The following ZNF724 variants were observed in gnomAD, a reference collection of about 807,000 sequenced individuals.
The protein encoded by ZNF724 is zinc finger protein 724 pseudogene.
Under a neutral mutation model 29.3 loss-of-function variants are expected in ZNF724, and 14 were observed. That is an observed-to-expected ratio of 0.48 (90% confidence interval 0.32 to 0.75). The LOEUF is 0.75. Among genes scored for constraint, ZNF724 ranks in the 30% least tolerant of loss-of-function variants. ZNF724 has a pLI of 0.04. For missense variants in ZNF724, 557 were observed against 571.2 expected (o/e 0.98, Z 0.25); for synonymous variants, 180 against 193.6 (o/e 0.93, Z 0.58).
chr19:23,232,606 TTGAGA>T (rs2145780328), intron 1 of ZNF724, among the ~76,000 whole-genome samples: 1 of 152,172 alleles, frequency 6.6e-6, no homozygotes, highest in African/African-American at 2.4e-5. Context: ...ATGAGTTCTG[TTGAGA>T]TGAAAGACAT....
At chr19:23,229,226 A>G (rs964349456) in intron 3 of ZNF724, among the ~76,000 whole-genome samples, 1 of 152,034 alleles carries the variant, frequency 6.6e-6, no homozygotes, top group Non-Finnish European at 1.5e-5. Flanking sequence ...CAGACTGAAA[A>G]ATAGCCTACC....
rs183425731 is a variant in ZNF724, at chr19:23,222,731, G to T, written c.1514C>A (p.Pro505His). ...THKKIHTGEK[P>H]YKCKECGKAF... ...TTTGCCACATTCTTTACATTTGTAG[G>T]GTTTCTCTCCAGTATGAATTTTCTT... is the stretch of plus-strand genomic sequence containing the variant. The change falls in exon 4 of 4, where the codon CCC becomes CAC. Residue 505 changes from proline (P) to histidine (H), a missense_variant. By Grantham distance (77) the Pro-to-His change is moderately conservative (BLOSUM62 -2). Around this residue, in one of 3 missense-constraint regions of ZNF724, gnomAD observed 170 missense variants for 220.7 expected, o/e 0.77. Transcript: ENST00000418100. The T allele has an allele frequency of 6.3e-6, 9 of 1,420,076 alleles. No individual in the cohort carries two copies. Among genetic ancestry groups the T allele is most frequent in the Non-Finnish European group, 7.0e-6 (7 of 1,005,336 alleles). 88.0% of individuals were successfully genotyped at this position (1,420,076 alleles called of 1,614,324 possible). A position where few individuals can be genotyped will look rare whatever the true frequency, so the allele number is the denominator to read the frequency against.
intron 3 of ZNF724, among the ~76,000 whole-genome samples, chr19:23,227,565 A>AC (rs1031200001): frequency 9.1e-6 from 1 of 110,008 alleles, no homozygotes; most frequent in African/African-American, 2.7e-5. Flanking sequence ...CAAAAAAAAA[A>AC]AAAAACAAAA....
At chr19:23,236,416 G>A (rs1253116896) in intron 1 of ZNF724, 1 of 152,306 alleles carries the variant, frequency 6.6e-6, no homozygotes, top group Non-Finnish European at 1.5e-5. Flanking sequence ...AAAAAATACT[G>A]CTGGATTTTC....
rs565712110 is a variant in ZNF724 at position 23,222,355 on chromosome 19, G to A, written c.*30C>T. ...GCCTCCCAAAGTGCTGGGATTACAG[G>A]TGTGAGCCACCACGCCTGGTCCATT... On this transcript the variant is annotated 3_prime_UTR_variant, in exon 4 of 4. Coordinates refer to ENST00000418100, the MANE Select transcript of ZNF724 (RefSeq NM_001355404.2). The A allele has an allele frequency of 2.3e-6, 2 of 880,998 alleles. No individual in the cohort carries two copies. Among genetic ancestry groups the A allele is most frequent in the East Asian group, 2.6e-5 (1 of 38,700 alleles). 54.6% of individuals were successfully genotyped at this position (880,998 alleles called of 1,614,324 possible).
intron 1 of ZNF724, among the ~76,000 whole-genome samples, chr19:23,244,227 T>C (rs1490262802): frequency 1.3e-5 from 2 of 152,074 alleles, no homozygotes; most frequent in African/African-American, 4.8e-5. Flanking sequence ...GGAGAACAGG[T>C]TGCTGCTGCA....
At position 23,232,099 on chromosome 19, in the gene ZNF724, AC is replaced by A. The variant is rs1291198665; in HGVS notation, c.130+67del. 9 of 1,173,670 alleles carry A rather than the reference AC, an allele frequency of 7.7e-6. No individual in the cohort carries two copies. The African/African-American group carries it at 1.1e-4, about 14-fold the overall frequency. 72.7% of individuals were successfully genotyped at this position (1,173,670 alleles called of 1,614,324 possible). A position where few individuals can be genotyped will look rare whatever the true frequency, so the allele number is the denominator to read the frequency against. ...TTATGCAAAGATCAATTACCAAAAA[AC>A]ATCCTACAAAAAAACAAACGAAATA... On this transcript the variant is annotated intron_variant, in intron 2 of 3. Transcript: ENST00000418100.
intron 3 of ZNF724, among the ~76,000 whole-genome samples, chr19:23,227,630 GAATAT>G (rs1971861748): frequency 6.7e-6 from 1 of 148,230 alleles, no homozygotes; most frequent in Non-Finnish European, 1.5e-5. Context: ...TATTTTTGCA[GAATAT>G]AATTAAAGCC....
intron 1 of ZNF724, among the ~76,000 whole-genome samples, chr19:23,243,871 C>T (rs1267622591): frequency 6.7e-6 from 1 of 148,574 alleles, no homozygotes; most frequent in Non-Finnish European, 1.5e-5. Flanking sequence ...TGCAGTGAGC[C>T]GAGATCATAC....
rs149329035 is a variant in ZNF724, at chr19:23,243,560, A to T, written c.3+6680T>A. On this transcript the variant is annotated intron_variant, in intron 1 of 3. Transcript: ENST00000418100. ...ACTATCTCATTTATAAGTAAGAGCT[A>T]AATAATAAGAACCCATGGATGCAAA... Among the ~76,000 whole-genome samples the T allele has an allele frequency of 8.2e-4, 124 of 151,696 alleles. No homozygotes were observed. In the East Asian group the frequency reaches 0.023, roughly 28 times the overall value.
In ZNF724 at chr19:23,224,907, A is replaced by G. The variant is rs1025495062; in HGVS notation, c.227-889T>C. Among the ~76,000 whole-genome samples the G allele has an allele frequency of 6.6e-5, 10 of 151,802 alleles. 1 individual carries two copies. On this transcript the variant is annotated intron_variant, in intron 3 of 3. Transcript: ENST00000418100. ...GAGGCAGATGTTGCAGTGAGCCGAG[A>G]TCACACCACTGCACTCCAGCCTGGG...
intron 1 of ZNF724, among the ~76,000 whole-genome samples, chr19:23,246,461 C>G (rs974969625): frequency 6.6e-6 from 1 of 151,928 alleles, no homozygotes; most frequent in Non-Finnish European, 1.5e-5. Context: ...TCAAGAACAG[C>G]CTGGCCAACC....
chr19:23,222,396 AT>A lies in ZNF724; in HGVS notation c.1848del (p.Lys616AsnfsTer34). ...TTHKKIHAVE[K>X]SDK ...CTGGTCCATTTTTCTTATTTGTCAG[AT>A]TTTTCTACAGCATGAATTTTCTTGT... On this transcript the variant is annotated frameshift_variant, in exon 4 of 4. Transcript: ENST00000418100. LOFTEE classifies it high-confidence loss of function. 1.7e-6 allele frequency: 2 copies of A among 1,157,012 alleles called. No homozygotes were observed. The highest frequency in any genetic ancestry group is 1.3e-6 in the Non-Finnish European group (1 of 777,912). 71.7% of individuals were successfully genotyped at this position (1,157,012 alleles called of 1,614,324 possible). A position where few individuals can be genotyped will look rare whatever the true frequency, so the allele number is the denominator to read the frequency against.
rs1390416201 is a variant in ZNF724, at chr19:23,222,579, G to T, written c.1666C>A (p.His556Asn). ...YSNLTQHKII[H>N]TGEKPYKCEE... ...CATTTGTAGGGTTTCTCTCCAGTAT[G>T]AATTATCTTATGTTGAGTAAGGTTT... The change falls in exon 4 of 4, where the codon CAT becomes AAT. Residue 556 changes from histidine to asparagine, a missense_variant. His to Asn is a moderately conservative substitution (Grantham distance 68). This residue lies in a region of ZNF724 where 170 missense variants were observed against 220.7 expected (regional missense o/e 0.77). Coordinates refer to ENST00000418100, the MANE Select transcript of ZNF724 (RefSeq NM_001355404.2). The T allele has an allele frequency of 7.2e-7, 1 of 1,385,576 alleles. No homozygotes were observed. Among genetic ancestry groups the T allele is most frequent in the South Asian group, 1.2e-5 (1 of 86,132 alleles). 85.8% of individuals were successfully genotyped at this position (1,385,576 alleles called of 1,614,324 possible). A position where few individuals can be genotyped will look rare whatever the true frequency, so the allele number is the denominator to read the frequency against.
At chr19:23,249,402 G>A (rs1157880412) in intron 1 of ZNF724, among the ~76,000 whole-genome samples, 1 of 119,370 alleles carries the variant, frequency 8.4e-6, no homozygotes, top group African/African-American at 2.6e-5. Flanking sequence ...CACTATGCCC[G>A]GCTTTTTTTT....
intron 1 of ZNF724, among the ~76,000 whole-genome samples, chr19:23,241,903 G>T (rs1401962426): frequency 6.6e-6 from 1 of 151,740 alleles, no homozygotes. Flanking sequence ...GCAAGAGAAA[G>T]AAAGAAAATG....
At chr19:23,248,051 A>G (rs1042647613) in intron 1 of ZNF724, among the ~76,000 whole-genome samples, 1 of 152,192 alleles carries the variant, frequency 6.6e-6, no homozygotes, top group Non-Finnish European at 1.5e-5. Flanking sequence ...ATCACCCCAT[A>G]AAGTTTACAA....
At chr19:23,232,389 G>A (rs1285353076) in intron 1 of ZNF724, 96 bp from the exon 2 acceptor site, 4 of 693,426 alleles carry the variant, frequency 5.8e-6, no homozygotes, top group Non-Finnish European at 1.0e-5. Context: ...TACTCATTCT[G>A]ACTTATAAAA....
At chr19:23,235,767 T>A (rs1972013601) in intron 1 of ZNF724, among the ~76,000 whole-genome samples, 1 of 152,184 alleles carries the variant, frequency 6.6e-6, no homozygotes, top group Non-Finnish European at 1.5e-5. Context: ...TGTGTTCATA[T>A]CACCTCTAGT....
Sources: gnomAD v4.1 joint callset for allele counts (sites outside exome capture counted in the v4.1 genomes callset) on GRCh38, gnomAD v4.1.1 for gene constraint, gnomAD v4.1.1 regional missense constraint, MANE v1.5 for transcripts, NCBI Gene and HGNC (gene_info 2026-07-23, HGNC 2026-07-21) for gene names.